Variants in TOX observed in about 807,000 individuals in gnomAD.
TOX encodes the protein thymocyte selection associated high mobility group box, also known as thymocyte selection-associated high mobility group box protein TOX.
TOX carries 11 observed loss-of-function variants against 53.7 expected under a neutral mutation model. The observed-to-expected ratio is 0.20, with a 90% CI of 0.13 to 0.34. TOX has a LOEUF of 0.34. Ranked by LOEUF, TOX falls within the 10% of genes least tolerant of loss-of-function variation. TOX has a pLI of 1.00. For missense variants in TOX, 570 were observed against 664.6 expected (o/e 0.86, Z 1.56); for synonymous variants, 225 against 245.3 (o/e 0.92, Z 0.77).
chr8:59,080,481 G>T (rs937253911), intron 1 of TOX, among the ~76,000 whole-genome samples: 3 of 152,196 alleles, frequency 2.0e-5, no homozygotes, highest in Non-Finnish European at 4.4e-5. Context: ...TTTGGGGACG[G>T]TTAGGAAGGC....
chr8:59,115,983 G>A (rs551516060), intron 1 of TOX, among the ~76,000 whole-genome samples: 8 of 152,126 alleles, frequency 5.3e-5, no homozygotes, highest in East Asian at 3.9e-4. Context: ...CAGCAGTGCC[G>A]GAAAGTGTCA....
chr8:59,012,411 T>C (rs1813923766), intron 1 of TOX, among the ~76,000 whole-genome samples: 1 of 151,732 alleles, frequency 6.6e-6, no homozygotes, highest in African/African-American at 2.4e-5. Context: ...GTTTGGGAAA[T>C]GTGACTTGAG....
chr8:58,910,580 A>T (rs1811892054), intron 3 of TOX, among the ~76,000 whole-genome samples: 1 of 152,176 alleles, frequency 6.6e-6, no homozygotes, highest in Admixed American at 6.5e-5. Flanking sequence ...TATGAATTTT[A>T]TTATTTGGGA....
intron 3 of TOX, among the ~76,000 whole-genome samples, chr8:58,852,729 G>A (rs577518451): frequency 6.6e-6 from 1 of 152,218 alleles, no homozygotes; most frequent in East Asian, 1.9e-4. Flanking sequence ...TCATCCTGAG[G>A]GGAGCTGAGG....
chr8:59,058,794 G>A (rs1267888241), intron 1 of TOX, among the ~76,000 whole-genome samples: 3 of 152,172 alleles, frequency 2.0e-5, no homozygotes, highest in Non-Finnish European at 4.4e-5. Flanking sequence ...TATCCAGCAA[G>A]AGCCTCCTAG....
At chr8:58,998,960 A>T (rs1034907163) in intron 1 of TOX, among the ~76,000 whole-genome samples, 3 of 152,164 alleles carry the variant, frequency 2.0e-5, no homozygotes, top group African/African-American at 7.2e-5. Context: ...TCAATCTGTT[A>T]CTTCCTAGAA....
intron 3 of TOX, among the ~76,000 whole-genome samples, chr8:58,905,006 C>T (rs1167615134): frequency 6.6e-6 from 1 of 152,212 alleles, no homozygotes; most frequent in African/African-American, 2.4e-5. Context: ...GATCTTGGCT[C>T]ACTGCAAGCT....
At chr8:58,941,610 G>A (rs1052825642) in intron 2 of TOX, among the ~76,000 whole-genome samples, 5 of 152,142 alleles carry the variant, frequency 3.3e-5, no homozygotes, top group African/African-American at 1.2e-4. Context: ...AATAGTATTA[G>A]CATTAATATC....
At chr8:58,914,062 G>A (rs1286339907) in intron 3 of TOX, among the ~76,000 whole-genome samples, 2 of 152,182 alleles carry the variant, frequency 1.3e-5, no homozygotes, top group East Asian at 1.9e-4. Flanking sequence ...TGTAAGTGGC[G>A]TTTATCAAAA....
At chr8:58,846,073 AGT>A (rs1290139431) in intron 4 of TOX, among the ~76,000 whole-genome samples, 2 of 152,104 alleles carry the variant, frequency 1.3e-5, no homozygotes, top group Non-Finnish European at 2.9e-5. Flanking sequence ...AAGTATGCTC[AGT>A]CATCTAGGGT....
Position 58,838,073 on chromosome 8 carries a change from T to C in TOX, c.924+8A>G. The C allele has an allele frequency of 1.2e-6, 2 of 1,612,788 alleles. No individual in the cohort carries two copies. Among genetic ancestry groups the C allele is most frequent in the South Asian group, 2.2e-5 (2 of 90,986 alleles). On this transcript the variant is annotated splice_region_variant and intron_variant, in intron 5 of 8. Coordinates refer to ENST00000361421, the MANE Select transcript of TOX (RefSeq NM_014729.3). ...ATGTAGATTCCCATTCCACTGGGAATCCCTTACCTGTTTTTGCTCTTCTCC... is the reference window on the plus strand; with the variant it reads ...ATGTAGATTCCCATTCCACTGGGAACCCCTTACCTGTTTTTGCTCTTCTCC...
chr8:59,024,189 T>C (rs1285220003), intron 1 of TOX, among the ~76,000 whole-genome samples: 2 of 152,192 alleles, frequency 1.3e-5, no homozygotes, highest in Non-Finnish European at 2.9e-5. Flanking sequence ...GTGCCTGACA[T>C]ATGAGAAGTA....
chr8:58,935,174 T>C (rs1174668872), intron 3 of TOX, among the ~76,000 whole-genome samples: 1 of 152,178 alleles, frequency 6.6e-6, no homozygotes, highest in African/African-American at 2.4e-5. Context: ...TGACATACAT[T>C]ATAATAATTG....
At position 58,956,450 on chromosome 8, in the gene TOX, G is replaced by A. The variant is rs548240490; in HGVS notation, c.168+3493C>T. On this transcript the variant is annotated intron_variant, in intron 2 of 8. Transcript: ENST00000361421. ...GATACATTTTATTGTATAGATTTAGGGTGTACAACATGTTATGATATACAT... is the reference window on the plus strand; with the variant it reads ...GATACATTTTATTGTATAGATTTAGAGTGTACAACATGTTATGATATACAT... Among the ~76,000 whole-genome samples the A allele has an allele frequency of 3.3e-5, 5 of 152,092 alleles. No individual in the cohort carries two copies. In the South Asian group the frequency reaches 1.0e-3, roughly 32 times the overall value.
chr8:59,029,726 G>A (rs909897826), intron 1 of TOX, among the ~76,000 whole-genome samples: 6 of 152,140 alleles, frequency 3.9e-5, no homozygotes, highest in South Asian at 2.1e-4. Context: ...CAAGGACCTC[G>A]ATGGAATCCA....
chr8:58,899,532 A>C (rs1811700037), intron 3 of TOX, among the ~76,000 whole-genome samples: 1 of 152,202 alleles, frequency 6.6e-6, no homozygotes, highest in East Asian at 1.9e-4. Flanking sequence ...ATTAACAAAG[A>C]CAGAAATACA....
Position 58,965,894 on chromosome 8 carries a change from G to GCTTTT in TOX, c.103-5887_103-5886insAAAAG, listed in dbSNP as rs1374766431. 3.8e-4 allele frequency among the ~76,000 whole-genome samples: 19 copies of GCTTTT among 49,614 alleles called. 2 individuals carry two copies. The highest frequency in any genetic ancestry group is 1.5e-3 in the African/African-American group (19 of 13,028). The allele number at this position is 49,614 out of a possible 152,430, so 32.5% of individuals were successfully genotyped here. ...GCCCAGTATAAGATTACGAGTCATCGTTTTTTTTTTTTTTTTTTTTTTTTT... is the reference window on the plus strand; with the variant it reads ...GCCCAGTATAAGATTACGAGTCATCGCTTTTTTTTTTTTTTTTTTTTTTTTTTTTT... On this transcript the variant is annotated intron_variant, in intron 1 of 8. Transcript: ENST00000361421.
chr8:58,935,739 T>G (rs1236639979), intron 3 of TOX, among the ~76,000 whole-genome samples: 3 of 152,214 alleles, frequency 2.0e-5, no homozygotes, highest in Non-Finnish European at 4.4e-5. Context: ...GTTGTTAAAT[T>G]TTGTGATCAT....
chr8:58,828,805 A>G (rs1344770356), intron 5 of TOX, among the ~76,000 whole-genome samples: 1 of 152,130 alleles, frequency 6.6e-6, no homozygotes. Flanking sequence ...TAAACTGACA[A>G]TGTTTACATT....
Sources: gnomAD v4.1 joint callset for allele counts (sites outside exome capture counted in the v4.1 genomes callset) on GRCh38, gnomAD v4.1.1 for gene constraint, MANE v1.5 for transcripts, NCBI Gene and HGNC (gene_info 2026-07-23, HGNC 2026-07-21) for gene names.